Variants in POMT1 observed in about 807,000 individuals in gnomAD.
POMT1 encodes protein O-mannosyltransferase 1.
In POMT1, 85 loss-of-function variants were observed where a neutral mutation model predicts 101.6. That is an observed-to-expected ratio of 0.84 (90% CI 0.70 to 1.00). The LOEUF is 1.00. Among genes scored for constraint, POMT1 ranks in the 50% least tolerant of loss-of-function variants. POMT1 has a pLI of 0.00. For synonymous variants in POMT1, 371 were observed against 383.0 expected (o/e 0.97, Z 0.37); for missense variants, 857 against 930.4 (o/e 0.92, Z 1.03).
chr9:131,519,450 GA>G lies in POMT1; in HGVS notation c.1550del (p.Asn517ThrfsTer18). On this transcript the variant is annotated frameshift_variant, in exon 16 of 20. Transcript: ENST00000402686. LOFTEE classifies it high-confidence loss of function. This position sits in a 1 kb window ranked among gnomAD's most constrained non-coding sequence, Gnocchi z 4.3. ...CACCTGCGCAGGTGGACGTCAGCAG[GA>G]ACCTCAGCTTCATGGCGAGATTCTC... is the stretch of plus-strand genomic sequence containing the variant. ...HSPAQVDVSRNLSFMARFSEL... is the reference protein window; with the variant it reads ...HSPAQVDVSRXLSFMARFSEL... 1 of 1,551,388 alleles carries G rather than the reference GA, an allele frequency of 6.4e-7. No homozygotes were observed. Among genetic ancestry groups the G allele is most frequent in the Non-Finnish European group, 8.7e-7 (1 of 1,147,088 alleles).
chr9:131,517,376 A>G (rs1948925471), intron 13 of POMT1, among the ~76,000 whole-genome samples: 1 of 152,230 alleles, frequency 6.6e-6, no homozygotes, highest in East Asian at 1.9e-4. Context: ...GTTAGCCACC[A>G]TGCCTGGCCC....
In POMT1 at chr9:131,522,998, G is replaced by A. The variant is rs752855537; in HGVS notation, c.2070G>A (p.Val690=). ...VVAWYSSACH[V]SNTLRPLTYG... ...CCTGGTACTCCTCCGCGTGCCACGT[G>A]TCCAACACGCTGCGCCCACTCACCT... Residue 690 remains valine, a synonymous_variant, in exon 20 of 20, where the codon GTG becomes GTA. Coordinates refer to ENST00000402686, the MANE Select transcript of POMT1 (RefSeq NM_001077365.2). This position sits in a 1 kb window ranked among gnomAD's most constrained non-coding sequence, Gnocchi z 5.5. 1 of 1,608,710 alleles carries A rather than the reference G, an allele frequency of 6.2e-7. No individual in the cohort carries two copies. The highest frequency in any genetic ancestry group is 8.5e-7 in the Non-Finnish European group (1 of 1,179,106).
chr9:131,506,057 T>A (rs927090014), intron 2 of POMT1, 57 bp from the exon 3 acceptor site: 60 of 1,605,982 alleles, frequency 3.7e-5, no homozygotes, highest in Non-Finnish European at 4.6e-5. Context: ...CTCACAGTTT[T>A]TGTTTACAGT....
intron 9 of POMT1, chr9:131,510,755 C>T (rs1946943900): frequency 8.1e-6 from 3 of 371,650 alleles, no homozygotes; most frequent in Non-Finnish European, 1.6e-5. Context: ...ATCCGCCTGC[C>T]TCGGCCTCTC....
At chr9:131,504,040 C>A in intron 1 of POMT1, 149 bp from the exon 2 acceptor site, 1 of 888,792 alleles carries the variant, frequency 1.1e-6, no homozygotes, top group Non-Finnish European at 1.8e-6. Context: ...ACATGTCTAC[C>A]TGAACCAAGG....
chr9:131,518,330 C>T, intron 13 of POMT1, 115 bp from the exon 14 acceptor site: 1 of 939,636 alleles, frequency 1.1e-6, no homozygotes, highest in Non-Finnish European at 1.8e-6. Flanking sequence ...CACTTGGGGA[C>T]TTGTCCCTTT....
In POMT1 at chr9:131,508,701, A is replaced by T. The variant is rs576505008; in HGVS notation, c.428-210A>T. On this transcript the variant is annotated intron_variant, in intron 5 of 19. Transcript: ENST00000402686. ...GCGACAGAGCAAGACCCTGACTCAA[A>T]GAAAAGAAAGAGACAGTAGAAAATC... Among the ~76,000 whole-genome samples, 164 of 152,350 alleles carry T rather than the reference A, an allele frequency of 1.1e-3. 1 individual carries two copies. The highest frequency in any genetic ancestry group is 3.8e-3 in the African/African-American group (158 of 41,580).
In POMT1 at chr9:131,513,351, G is replaced by T. The variant is rs373678001; in HGVS notation, c.1175+20G>T. 12 of 1,601,910 alleles carry T rather than the reference G, an allele frequency of 7.5e-6. No homozygotes were observed. The highest frequency in any genetic ancestry group is 9.4e-6 in the Non-Finnish European group (11 of 1,175,064). ...GAACACGTGAGTGTGCCCGCCGTCT[G>T]CTCTGCTGCACCTGTGGGTTTCCTC... On this transcript the variant is annotated intron_variant, in intron 12 of 19. Transcript: ENST00000402686.
At position 131,519,154 on chromosome 9, in the gene POMT1, G is replaced by A. The variant is rs1270629141; in HGVS notation, c.1486+197G>A. Reference sequence around the variant, plus strand: ...CTCAAGACGCTTCTTCCGAGGTGTCGCTGGAAGGCAACCAGTTTATCCCCG... The same window carrying A: ...CTCAAGACGCTTCTTCCGAGGTGTCACTGGAAGGCAACCAGTTTATCCCCG... On this transcript the variant is annotated intron_variant, in intron 15 of 19. Coordinates refer to ENST00000402686, the MANE Select transcript of POMT1 (RefSeq NM_001077365.2). The surrounding 1 kb of genome is among the most constrained non-coding windows in gnomAD (Gnocchi z 4.3). Among the ~76,000 whole-genome samples the A allele has an allele frequency of 1.3e-5, 2 of 152,174 alleles. No homozygotes were observed. The highest frequency in any genetic ancestry group is 2.9e-5 in the Non-Finnish European group (2 of 68,026).
At chr9:131,517,629 CTG>C (rs1311914513) in intron 13 of POMT1, among the ~76,000 whole-genome samples, 2 of 152,182 alleles carry the variant, frequency 1.3e-5, no homozygotes, top group Admixed American at 6.5e-5. Context: ...CTCGCCGTCT[CTG>C]TGCTCTGCAT....
rs117287406 is a variant in POMT1 at position 131,510,640 on chromosome 9, A to G, written c.855+225A>G. On this transcript the variant is annotated intron_variant, in intron 9 of 19. Coordinates refer to ENST00000402686, the MANE Select transcript of POMT1 (RefSeq NM_001077365.2). ...TACCTCAGCCTCCCAAGTAGCTGGT[A>G]TTACAAGCACCTGCAACCACACCCA... 64,729 of 603,920 alleles carry G rather than the reference A, an allele frequency of 0.11. 4,146 individuals carry two copies. Among genetic ancestry groups the G allele is most frequent in the Non-Finnish European group, 0.13 (45,574 of 346,566 alleles). 37.4% of individuals were successfully genotyped at this position (603,920 alleles called of 1,614,324 possible). A position where few individuals can be genotyped will look rare whatever the true frequency, so the allele number is the denominator to read the frequency against.
At chr9:131,504,747 A>ATATGTGTG (rs56692415) in intron 2 of POMT1, among the ~76,000 whole-genome samples, 19,301 of 122,316 alleles carry the variant, frequency 0.16, 1,716 homozygotes, top group East Asian at 0.19. Flanking sequence ...TAACTGATTA[A>ATATGTGTG]TGTGTGTATG....
Position 131,522,304 on chromosome 9 carries a change from T to C in POMT1, c.2003+80T>C. The C allele has an allele frequency of 6.3e-7, 1 of 1,593,508 alleles. No homozygotes were observed. The highest frequency in any genetic ancestry group is 8.5e-7 in the Non-Finnish European group (1 of 1,174,896). On this transcript the variant is annotated intron_variant, in intron 19 of 19. Coordinates refer to ENST00000402686, the MANE Select transcript of POMT1 (RefSeq NM_001077365.2). The surrounding 1 kb of genome is among the most constrained non-coding windows in gnomAD (Gnocchi z 5.5). Reference sequence around the variant, plus strand: ...GCCCATGCGCAGCAAACACATGGGGTGCAGCGAACCTCACCCATTTCACGT... The same window carrying C: ...GCCCATGCGCAGCAAACACATGGGGCGCAGCGAACCTCACCCATTTCACGT...
At position 131,523,358 on chromosome 9, in the gene POMT1, A is replaced by G. The variant is rs879318336; in HGVS notation, c.*252A>G. 3.8e-6 allele frequency: 2 copies of G among 523,118 alleles called. No homozygotes were observed. Among genetic ancestry groups the G allele is most frequent in the Non-Finnish European group, 6.9e-6 (2 of 289,034 alleles). 32.4% of individuals were successfully genotyped at this position (523,118 alleles called of 1,614,324 possible). A position where few individuals can be genotyped will look rare whatever the true frequency, so the allele number is the denominator to read the frequency against. On this transcript the variant is annotated 3_prime_UTR_variant, in exon 20 of 20. Transcript: ENST00000402686. The stretch of plus-strand genomic sequence containing the variant: ...ACCCCTGAACTAAGACACAGGGAGT[A>G]TTTCAGAGGCCAGCGTAGGAGTCAT...
chr9:131,513,243 C>G lies in POMT1; in HGVS notation c.1087C>G (p.Gln363Glu), dbSNP rs200056620. 6.2e-7 allele frequency: 1 copy of G among 1,613,008 alleles called. No homozygotes were observed. Among genetic ancestry groups the G allele is most frequent in the East Asian group, 2.2e-5 (1 of 44,872 alleles). Residue 363 changes from glutamine (Q) to glutamate (E), a missense_variant, in exon 12 of 20, where the codon CAG becomes GAG. Coordinates refer to ENST00000402686, the MANE Select transcript of POMT1 (RefSeq NM_001077365.2). Reference protein sequence around the residue: ...WWIVKDPRRHQLVVSSPPRPV... With the variant: ...WWIVKDPRRHELVVSSPPRPV... ...CGACAGCACTGTGTCTTCCAGGCAC[C>G]AGCTGGTGGTGAGCAGCCCTCCGAG...
Position 131,523,625 on chromosome 9 carries a change from C to T in POMT1, c.*519C>T, listed in dbSNP as rs1162778182. 2 of 207,778 alleles carry T rather than the reference C, an allele frequency of 9.6e-6. No individual in the cohort carries two copies. The highest frequency in any genetic ancestry group is 2.3e-4 in the East Asian group (2 of 8,842). 12.9% of individuals were successfully genotyped at this position (207,778 alleles called of 1,614,324 possible). On this transcript the variant is annotated 3_prime_UTR_variant, in exon 20 of 20. Coordinates refer to ENST00000402686, the MANE Select transcript of POMT1 (RefSeq NM_001077365.2). ...AGGGCTGGGGCTTGCATGTCATTGT[C>T]TATGACAGCGTCAAGACTGGCCCTT...
intron 9 of POMT1, chr9:131,510,623 C>G: frequency 1.5e-6 from 1 of 669,810 alleles, no homozygotes; most frequent in Non-Finnish European, 2.5e-6. Flanking sequence ...CCTACCTCAG[C>G]CTCCCAAGTA....
intron 9 of POMT1, chr9:131,510,694 TG>T: frequency 2.2e-6 from 1 of 447,212 alleles, no homozygotes; most frequent in African/African-American, 2.0e-5. Context: ...TTGGTAGAGA[TG>T]GGGTTTCACC....
Position 131,522,015 on chromosome 9 carries a change from A to T in POMT1, c.1826-32A>T, listed in dbSNP as rs753081009. On this transcript the variant is annotated intron_variant, in intron 18 of 19. Coordinates refer to ENST00000402686, the MANE Select transcript of POMT1 (RefSeq NM_001077365.2). This position sits in a 1 kb window ranked among gnomAD's most constrained non-coding sequence, Gnocchi z 5.5. ...AGAAGACCCGGCCTGTGGGAGCAGC[A>T]GAGTCGGTGTAGCTCGAGCCCTTTC... The T allele has an allele frequency of 5.0e-6, 8 of 1,613,256 alleles. No individual in the cohort carries two copies. The South Asian group carries it at 6.6e-5, about 13-fold the overall frequency.
Sources: allele counts gnomAD v4.1 joint callset (sites outside exome capture counted in the v4.1 genomes callset), GRCh38; gene constraint gnomAD v4.1.1; non-coding constraint Gnocchi (gnomAD v3.1); transcripts MANE v1.5; gene names NCBI Gene and HGNC (gene_info 2026-07-23, HGNC 2026-07-21).